Variants in PALM2AKAP2 observed in about 807,000 individuals in gnomAD.
PALM2AKAP2 encodes the protein PALM2 and AKAP2 fusion.
PALM2AKAP2 carries 37 observed loss-of-function variants against 71.5 expected under a neutral mutation model. The observed-to-expected ratio is 0.52, with a 90% CI of 0.40 to 0.68. The LOEUF is 0.68. PALM2AKAP2 is among the 30% of genes least tolerant of loss of function. The pLI, the probability that PALM2AKAP2 is intolerant of heterozygous loss-of-function variation, is 0.00. For synonymous variants in PALM2AKAP2, 468 were observed against 478.8 expected (o/e 0.98, Z 0.29); for missense variants, 1,224 against 1,191.8 (o/e 1.03, Z -0.40).
At chr9:109,706,764 A>G (rs1828151558) in intron 1 of PALM2AKAP2, among the ~76,000 whole-genome samples, 1 of 152,224 alleles carries the variant, frequency 6.6e-6, no homozygotes, top group Admixed American at 6.5e-5. Context: ...TACAACCTGG[A>G]TGCACCTTAA....
intron 7 of PALM2AKAP2, among the ~76,000 whole-genome samples, chr9:110,031,156 C>T (rs191055174): frequency 2.2e-4 from 34 of 152,230 alleles, no homozygotes; most frequent in African/African-American, 8.2e-4. Flanking sequence ...AGGGTCTCAC[C>T]TTGTTGCCCA....
intron 7 of PALM2AKAP2, among the ~76,000 whole-genome samples, chr9:110,017,871 G>A (rs1833008667): frequency 6.6e-6 from 1 of 152,074 alleles, no homozygotes; most frequent in African/African-American, 2.4e-5. Flanking sequence ...GGGACTACAG[G>A]TGCTGGACAC....
chr9:110,005,318 G>A (rs1042606841), intron 6 of PALM2AKAP2, among the ~76,000 whole-genome samples: 3 of 152,244 alleles, frequency 2.0e-5, no homozygotes, highest in Non-Finnish European at 4.4e-5. Flanking sequence ...CTGGGTATCT[G>A]CAGCGGAGGC....
chr9:109,733,779 A>G (rs952511487), intron 1 of PALM2AKAP2, among the ~76,000 whole-genome samples: 1 of 152,088 alleles, frequency 6.6e-6, no homozygotes, highest in Non-Finnish European at 1.5e-5. Flanking sequence ...TTTTCTTTTT[A>G]CTGCTACCAC....
rs66848294 is a variant in PALM2AKAP2 at position 110,091,459 on chromosome 9, C to CTTTTTTTTTTTT, written c.156+42614_156+42625dup. ...GGCTTTTTAATCTTTGAGATTTATT[C>CTTTTTTTTTTTT]TTTTTTTTTTTTTTTTTTTTTGAGA... On this transcript the variant is annotated intron_variant, in intron 1 of 3. Coordinates refer to ENST00000374525, the Ensembl canonical transcript of PALM2AKAP2. 4.2e-4 allele frequency among the ~76,000 whole-genome samples: 35 copies of CTTTTTTTTTTTT among 83,650 alleles called. 8 individuals are homozygous for CTTTTTTTTTTTT. The highest frequency in any genetic ancestry group is 7.8e-4 in the African/African-American group (15 of 19,320). The allele number at this position is 83,650 out of a possible 152,430, so 54.9% of individuals were successfully genotyped here. A position where few individuals can be genotyped will look rare whatever the true frequency, so the allele number is the denominator to read the frequency against.
At chr9:109,661,528 T>G (rs906784392) in intron 1 of PALM2AKAP2, among the ~76,000 whole-genome samples, 10 of 152,208 alleles carry the variant, frequency 6.6e-5, no homozygotes, top group Admixed American at 5.2e-4. Flanking sequence ...TCTTTATATC[T>G]GTTTTGGTAC....
intron 1 of PALM2AKAP2, among the ~76,000 whole-genome samples, chr9:109,728,224 TAAC>T (rs1828504185): frequency 1.3e-5 from 2 of 152,206 alleles, no homozygotes; most frequent in Non-Finnish European, 2.9e-5. Flanking sequence ...TGTGTTATGA[TAAC>T]AACATTCATT....
chr9:109,773,115 C>T (rs1829296252), intron 1 of PALM2AKAP2, among the ~76,000 whole-genome samples: 1 of 150,738 alleles, frequency 6.6e-6, no homozygotes, highest in African/African-American at 2.4e-5. Context: ...AAGACTCCAT[C>T]TCAAAAAAAA....
At chr9:109,979,585 T>C (rs1238122595) in intron 6 of PALM2AKAP2, among the ~76,000 whole-genome samples, 1 of 152,244 alleles carries the variant, frequency 6.6e-6, no homozygotes, top group East Asian at 1.9e-4. Flanking sequence ...GAGCTTCTAT[T>C]TGGTGGCTGT....
chr9:109,724,389 A>T (rs1201003973), intron 1 of PALM2AKAP2, among the ~76,000 whole-genome samples: 1 of 152,218 alleles, frequency 6.6e-6, no homozygotes, highest in African/African-American at 2.4e-5. Flanking sequence ...AATAGCTTTT[A>T]AAATTCATTT....
chr9:110,026,802 G>T (rs1242201911), intron 7 of PALM2AKAP2, among the ~76,000 whole-genome samples: 2 of 152,194 alleles, frequency 1.3e-5, no homozygotes, highest in African/African-American at 4.8e-5. Flanking sequence ...CCAGCACTTT[G>T]GGAGGCCAAG....
At chr9:109,701,003 T>C (rs1828046400) in intron 1 of PALM2AKAP2, among the ~76,000 whole-genome samples, 1 of 152,192 alleles carries the variant, frequency 6.6e-6, no homozygotes, top group Non-Finnish European at 1.5e-5. Context: ...AAATAAAAGC[T>C]GAAATGCAAC....
intron 2 of PALM2AKAP2, among the ~76,000 whole-genome samples, chr9:109,878,097 AT>A: frequency 6.6e-6 from 1 of 152,272 alleles, no homozygotes; most frequent in South Asian, 2.1e-4. Flanking sequence ...AGAGCAACCG[AT>A]TTGCCCCACC....
intron 1 of PALM2AKAP2, among the ~76,000 whole-genome samples, chr9:109,673,181 T>A (rs1211859232): frequency 6.6e-6 from 1 of 152,188 alleles, no homozygotes; most frequent in African/African-American, 2.4e-5. Context: ...CTTCTCTAGT[T>A]CTTTTAGTTG....
chr9:109,738,451 A>T (rs1828670503), intron 1 of PALM2AKAP2, among the ~76,000 whole-genome samples: 1 of 152,226 alleles, frequency 6.6e-6, no homozygotes, highest in Admixed American at 6.5e-5. Context: ...AGAAATCTAC[A>T]AAAAGTTACT....
chr9:110,024,199 C>A (rs1282065281), intron 7 of PALM2AKAP2, among the ~76,000 whole-genome samples: 1 of 152,110 alleles, frequency 6.6e-6, no homozygotes, highest in Non-Finnish European at 1.5e-5. Context: ...ATCACACAAT[C>A]CAGTTTTAGA....
At chr9:110,084,271 G>A (rs1045269077) in intron 1 of PALM2AKAP2, among the ~76,000 whole-genome samples, 1 of 152,180 alleles carries the variant, frequency 6.6e-6, no homozygotes, top group Admixed American at 6.5e-5. Context: ...TTAGCTGAAA[G>A]TAATGTTATG....
chr9:109,656,491 C>T (rs748603312), intron 1 of PALM2AKAP2, among the ~76,000 whole-genome samples: 7 of 152,270 alleles, frequency 4.6e-5, no homozygotes, highest in Admixed American at 2.0e-4. Flanking sequence ...AGTGAGGGGC[C>T]GTGGCTCTTA....
chr9:109,939,213 C>T (rs1831302285), intron 6 of PALM2AKAP2, among the ~76,000 whole-genome samples: 1 of 152,120 alleles, frequency 6.6e-6, no homozygotes, highest in Admixed American at 6.6e-5. Flanking sequence ...CCACTAAACT[C>T]CTTCTTTCTC....
Sources: gnomAD v4.1 joint callset for allele counts (sites outside exome capture counted in the v4.1 genomes callset) on GRCh38, gnomAD v4.1.1 for gene constraint, MANE v1.5 for transcripts, NCBI Gene and HGNC (gene_info 2026-07-23, HGNC 2026-07-21) for gene names.